SMOX: variants seen among roughly 807,000 people sequenced by gnomAD.
SMOX encodes flavin containing amine oxidase.
SMOX carries 22 observed loss-of-function variants against 51.0 expected under a neutral mutation model. That is an observed-to-expected ratio of 0.43 (90% CI 0.31 to 0.62). SMOX has a LOEUF of 0.62. Among genes scored for constraint, SMOX ranks in the 20% least tolerant of loss-of-function variants. The pLI is 0.10. For synonymous variants in SMOX, 282 were observed against 307.8 expected (o/e 0.92, Z 0.88); for missense variants, 566 against 777.7 (o/e 0.73, Z 3.24).
Position 4,182,911 on chromosome 20 carries a change from G to A in SMOX, c.1369+63G>A, listed in dbSNP as rs73076580. On this transcript the variant is annotated intron_variant, in intron 5 of 6. Transcript: ENST00000305958. The surrounding 1 kb of genome is among the most constrained non-coding windows in gnomAD (Gnocchi z 8.4). ...GCTTCTTCCTCACCTGCCCTCCTCT[G>A]GTGGACCCATGGCAGCTCTCTCCTC... The A allele has an allele frequency of 0.025, 38,590 of 1,538,048 alleles. 568 individuals carry two copies. Among genetic ancestry groups the A allele is most frequent in the Non-Finnish European group, 0.03 (34,395 of 1,148,202 alleles).
In SMOX at chr20:4,182,230, C is replaced by T. The variant is rs756116715; in HGVS notation, c.751C>T (p.Pro251Ser). ...TGTGGAGCTGCTGGCGGAGGGCATC[C>T]CTGCCCACGTCATCCAGCTAGGGAA... Reference protein sequence around the residue: ...RVVELLAEGIPAHVIQLGKPV... With the variant: ...RVVELLAEGISAHVIQLGKPV... The change falls in exon 5 of 7, where the codon CCT becomes TCT. Residue 251 changes from proline to serine, a missense_variant. By Grantham distance (74) the Pro-to-Ser change is moderately conservative. This residue lies in a region of SMOX where 347 missense variants were observed against 481.8 expected (regional missense o/e 0.72). Transcript: ENST00000305958. This position sits in a 1 kb window ranked among gnomAD's most constrained non-coding sequence, Gnocchi z 8.4. 1 of 1,613,698 alleles carries T rather than the reference C, an allele frequency of 6.2e-7. No individual in the cohort carries two copies.
chr20:4,182,603 C>T lies in SMOX; in HGVS notation c.1124C>T (p.Pro375Leu). 6.2e-7 allele frequency: 1 copy of T among 1,614,014 alleles called. No homozygotes were observed. The highest frequency in any genetic ancestry group is 1.3e-5 in the African/African-American group (1 of 75,006). ...AAGATCTTTCTGGAATTCGAGGAGC[C>T]CTTCTGGGGCCCTGAGTGCAACAGC... Reference protein sequence around the residue: ...TDKIFLEFEEPFWGPECNSLQ... With the variant: ...TDKIFLEFEELFWGPECNSLQ... The change falls in exon 5 of 7, where the codon CCC (proline) becomes CTC (leucine). Residue 375 changes from proline (P) to leucine (L), a missense_variant. This residue lies in a region of SMOX where 347 missense variants were observed against 481.8 expected (regional missense o/e 0.72). Transcript: ENST00000305958. The surrounding 1 kb of genome is among the most constrained non-coding windows in gnomAD (Gnocchi z 8.4).
At chr20:4,178,035 T>C (rs1979014053) in intron 3 of SMOX, among the ~76,000 whole-genome samples, 1 of 152,140 alleles carries the variant, frequency 6.6e-6, no homozygotes, top group African/African-American at 2.4e-5. Context: ...GAATATTTAA[T>C]TTTTTGTTGT....
In SMOX at chr20:4,182,779, C is replaced by T. The variant is rs764734071; in HGVS notation, c.1300C>T (p.Leu434Phe). 9.3e-6 allele frequency: 15 copies of T among 1,613,682 alleles called. No homozygotes were observed. Among genetic ancestry groups the T allele is most frequent in the Non-Finnish European group, 1.3e-5 (15 of 1,180,042 alleles). Residue 434 changes from leucine to phenylalanine, a missense_variant, in exon 5 of 7, where the codon CTC becomes TTC. Transcript: ENST00000305958. This position sits in a 1 kb window ranked among gnomAD's most constrained non-coding sequence, Gnocchi z 8.4. ...LSGWICGEEA[L>F]VMEKCDDEAV... Reference sequence around the variant, plus strand: ...CGGCTGGATCTGCGGGGAGGAGGCCCTCGTCATGGAGAAGTGTGATGACGA... The same window carrying T: ...CGGCTGGATCTGCGGGGAGGAGGCCTTCGTCATGGAGAAGTGTGATGACGA...
intron 1 of SMOX, among the ~76,000 whole-genome samples, chr20:4,173,930 C>T (rs1350425599): frequency 6.6e-6 from 1 of 152,282 alleles, no homozygotes; most frequent in East Asian, 1.9e-4. Flanking sequence ...CCTTGGCCTC[C>T]CAGCCATCAG....
intron 1 of SMOX, among the ~76,000 whole-genome samples, chr20:4,155,670 T>A (rs1350909998): frequency 3.3e-5 from 5 of 152,084 alleles, no homozygotes; most frequent in Non-Finnish European, 4.4e-5. Context: ...AATTAGCAAT[T>A]TGCTTGGAAA....
chr20:4,155,582 A>G (rs1247275543), intron 1 of SMOX, among the ~76,000 whole-genome samples: 2 of 152,168 alleles, frequency 1.3e-5, no homozygotes, highest in Non-Finnish European at 2.9e-5. Flanking sequence ...CTCTTCCCAG[A>G]GAGTCAGCTT....
chr20:4,160,553 A>G (rs1028863594), intron 1 of SMOX, among the ~76,000 whole-genome samples: 4 of 152,030 alleles, frequency 2.6e-5, no homozygotes, highest in Non-Finnish European at 4.4e-5. Context: ...GTATTAAAGG[A>G]TGCAGTGAAT....
intron 2 of SMOX, 103 bp downstream of exon 2, chr20:4,175,366 T>C (rs1316332681): frequency 7.6e-7 from 1 of 1,312,712 alleles, no homozygotes; most frequent in Non-Finnish European, 1.1e-6. Flanking sequence ...CTGGGATAAA[T>C]GTTCCATCAT....
chr20:4,165,889 G>C (rs1986550950), intron 1 of SMOX, among the ~76,000 whole-genome samples: 1 of 152,202 alleles, frequency 6.6e-6, no homozygotes, highest in Non-Finnish European at 1.5e-5. Context: ...GCCTACCTCT[G>C]CAAGATCTGG....
In SMOX at chr20:4,183,781, C is replaced by A; in HGVS notation, c.1530+127C>A. On this transcript the variant is annotated intron_variant, in intron 6 of 6. Coordinates refer to ENST00000305958, the MANE Select transcript of SMOX (RefSeq NM_175839.3). The surrounding 1 kb of genome is among the most constrained non-coding windows in gnomAD (Gnocchi z 4.3). ...CTCAGGTGAGGCAGGGATGGAGTAG[C>A]TTCTGTAATGAGAGAGAACACAAGG... The A allele has an allele frequency of 9.3e-7, 1 of 1,075,780 alleles. No homozygotes were observed. The highest frequency in any genetic ancestry group is 1.3e-6 in the Non-Finnish European group (1 of 797,356). 66.6% of individuals were successfully genotyped at this position (1,075,780 alleles called of 1,614,324 possible). A position where few individuals can be genotyped will look rare whatever the true frequency, so the allele number is the denominator to read the frequency against.
rs751394002 is a variant in SMOX, at chr20:4,182,785, A to G, written c.1306A>G (p.Met436Val). 1.2e-6 allele frequency: 2 copies of G among 1,613,552 alleles called. No homozygotes were observed. The highest frequency in any genetic ancestry group is 8.5e-7 in the Non-Finnish European group (1 of 1,179,974). The change falls in exon 5 of 7, where the codon ATG becomes GTG. Residue 436 changes from methionine to valine, a missense_variant. By Grantham distance (21) the Met-to-Val change is conservative. This residue lies in a region of SMOX where 347 missense variants were observed against 481.8 expected (regional missense o/e 0.72). Transcript: ENST00000305958. The surrounding 1 kb of genome is among the most constrained non-coding windows in gnomAD (Gnocchi z 8.4). ...GATCTGCGGGGAGGAGGCCCTCGTC[A>G]TGGAGAAGTGTGATGACGAGGCAGT... ...GWICGEEALV[M>V]EKCDDEAVAE... is the part of the protein sequence containing the mutation.
Position 4,153,196 on chromosome 20 carries a change from G to A in SMOX, c.-27+4219G>A, listed in dbSNP as rs900074287. Among the ~76,000 whole-genome samples the A allele has an allele frequency of 1.1e-4, 16 of 152,228 alleles. No individual in the cohort carries two copies. The highest frequency in any genetic ancestry group is 2.1e-4 in the Non-Finnish European group (14 of 68,042). On this transcript the variant is annotated intron_variant, in intron 1 of 6. Coordinates refer to ENST00000305958, the MANE Select transcript of SMOX (RefSeq NM_175839.3). This position sits in a 1 kb window ranked among gnomAD's most constrained non-coding sequence, Gnocchi z 4.4. ...CAATGGGTTGGGCATCACGTACACT[G>A]TGATTTTGGGGTGCTGGGAAGGTCT...
Position 4,153,495 on chromosome 20 carries a change from C to A in SMOX, c.-27+4518C>A, listed in dbSNP as rs199969498. ...CCCTGGGAGGCTTTCCTGTTTGGCA[C>A]GAGGATGACTCTAGGCAGGTGACCT... On this transcript the variant is annotated intron_variant, in intron 1 of 6. Transcript: ENST00000305958. The surrounding 1 kb of genome is among the most constrained non-coding windows in gnomAD (Gnocchi z 4.4). Among the ~76,000 whole-genome samples, 48 of 152,154 alleles carry A rather than the reference C, an allele frequency of 3.2e-4. No homozygotes were observed. In the East Asian group the frequency reaches 8.1e-3, roughly 26 times the overall value.
chr20:4,172,112 A>G lies in SMOX; in HGVS notation c.-26-2918A>G, dbSNP rs1449822414. 1.3e-5 allele frequency among the ~76,000 whole-genome samples: 2 copies of G among 152,216 alleles called. No homozygotes were observed. The highest frequency in any genetic ancestry group is 1.5e-5 in the Non-Finnish European group (1 of 68,014). On this transcript the variant is annotated intron_variant, in intron 1 of 6. Coordinates refer to ENST00000305958, the MANE Select transcript of SMOX (RefSeq NM_175839.3). This position sits in a 1 kb window ranked among gnomAD's most constrained non-coding sequence, Gnocchi z 7.7. Reference sequence around the variant, plus strand: ...TAATACCTGCTACACCCTGACCCCCATAGCAGCTTTTTAAGAAGGGGTTCC... The same window carrying G: ...TAATACCTGCTACACCCTGACCCCCGTAGCAGCTTTTTAAGAAGGGGTTCC...
At chr20:4,156,265 C>T (rs1426553078) in intron 1 of SMOX, among the ~76,000 whole-genome samples, 1 of 152,130 alleles carries the variant, frequency 6.6e-6, no homozygotes, top group African/African-American at 2.4e-5. Context: ...CAGGAAAACA[C>T]CTGCTGGGAA....
chr20:4,178,088 C>G (rs776142534), intron 3 of SMOX, among the ~76,000 whole-genome samples: 6 of 152,230 alleles, frequency 3.9e-5, no homozygotes, highest in Non-Finnish European at 8.8e-5. Flanking sequence ...GTCGTCCAGG[C>G]TGGAGTGCAG....
In SMOX at chr20:4,187,253, C is replaced by T. The variant is rs1365523727; in HGVS notation, c.1531-17C>T. On this transcript the variant is annotated splice_polypyrimidine_tract_variant and intron_variant, in intron 6 of 6. Transcript: ENST00000305958. The surrounding 1 kb of genome is among the most constrained non-coding windows in gnomAD (Gnocchi z 4.8). ...TTGCTGCTCCTCCACCCTGACCTCC[C>T]CATCCCCGCCCCGCAGCCCATGCAG... 1 of 1,606,648 alleles carries T rather than the reference C, an allele frequency of 6.2e-7. No individual in the cohort carries two copies.
intron 1 of SMOX, among the ~76,000 whole-genome samples, chr20:4,159,726 A>AT (rs1039004984): frequency 1.3e-5 from 2 of 152,358 alleles, no homozygotes; most frequent in East Asian, 3.9e-4. Flanking sequence ...CCTAAAGAAT[A>AT]TGTTTATGTC....
Sources: allele counts gnomAD v4.1 joint callset (sites outside exome capture counted in the v4.1 genomes callset), GRCh38; gene constraint gnomAD v4.1.1; regional missense constraint gnomAD v4.1.1; non-coding constraint Gnocchi (gnomAD v3.1); transcripts MANE v1.5; gene names NCBI Gene and HGNC (gene_info 2026-07-23, HGNC 2026-07-21).